ITGA9: variants seen among roughly 807,000 people sequenced by gnomAD.
ITGA9 encodes the protein integrin alpha-9.
In ITGA9, 56 loss-of-function variants were observed where a neutral mutation model predicts 127.8. That is an observed-to-expected ratio of 0.44 (90% CI 0.35 to 0.55). ITGA9 has a LOEUF of 0.55. Among genes scored for constraint, ITGA9 ranks in the 20% least tolerant of loss-of-function variants. The pLI is 0.00. For synonymous variants in ITGA9, 508 were observed against 514.5 expected, an observed-to-expected ratio of 0.99 and a Z score of 0.17; for missense variants, 1,196 against 1,347.1, an observed-to-expected ratio of 0.89 and a Z score of 1.76.
intron 26 of ITGA9, among the ~76,000 whole-genome samples, chr3:37,791,108 A>G (rs1208263186): frequency 6.6e-6 from 1 of 152,118 alleles, no homozygotes; most frequent in Non-Finnish European, 1.5e-5. Context: ...CTGATCCCTG[A>G]ATTGGTTACT....
intron 3 of ITGA9, 98 bp from the exon 4 acceptor site, chr3:37,481,386 C>G: frequency 6.6e-7 from 1 of 1,522,912 alleles, no homozygotes; most frequent in Non-Finnish European, 9.1e-7. Flanking sequence ...CTGCTCCTCT[C>G]TTCTCCCACA....
At chr3:37,585,366 T>C (rs1699748336) in intron 15 of ITGA9, among the ~76,000 whole-genome samples, 1 of 152,194 alleles carries the variant, frequency 6.6e-6, no homozygotes, top group Admixed American at 6.5e-5. Flanking sequence ...TCTTCTAGCC[T>C]GAAGAGCCCA....
intron 3 of ITGA9, among the ~76,000 whole-genome samples, 174 bp from the exon 4 acceptor site, chr3:37,481,310 C>G (rs1379258334): frequency 1.3e-5 from 2 of 152,110 alleles, no homozygotes; most frequent in Non-Finnish European, 2.9e-5. Flanking sequence ...GTGGCTTGTT[C>G]CTGTTCATGC....
At chr3:37,684,396 T>C (rs1700762090) in intron 18 of ITGA9, among the ~76,000 whole-genome samples, 1 of 152,240 alleles carries the variant, frequency 6.6e-6, no homozygotes, top group African/African-American at 2.4e-5. Context: ...GGCAGATCAC[T>C]GCTTGTCGTG....
At chr3:37,751,928 A>G (rs1278875772) in intron 23 of ITGA9, among the ~76,000 whole-genome samples, 2 of 152,214 alleles carry the variant, frequency 1.3e-5, no homozygotes, top group Non-Finnish European at 2.9e-5. Flanking sequence ...GGGCATCTTC[A>G]TCGTATGGAA....
At chr3:37,544,926 C>T (rs1434225194) in intron 15 of ITGA9, among the ~76,000 whole-genome samples, 1 of 152,224 alleles carries the variant, frequency 6.6e-6, no homozygotes, top group Non-Finnish European at 1.5e-5. Flanking sequence ...CAGTTACTGT[C>T]TGGGCTGTAG....
intron 22 of ITGA9, chr3:37,749,440 G>C (rs1199173666): frequency 6.6e-6 from 1 of 152,586 alleles, no homozygotes; most frequent in Non-Finnish European, 1.5e-5. Flanking sequence ...ACATCTTTGG[G>C]GGGCCTGTCA....
chr3:37,562,480 C>G (rs549742692), intron 15 of ITGA9, among the ~76,000 whole-genome samples: 1 of 152,154 alleles, frequency 6.6e-6, no homozygotes, highest in African/African-American at 2.4e-5. Flanking sequence ...CCCGCTGCCC[C>G]GAAAGATCAG....
chr3:37,603,693 G>A (rs1010982270), intron 15 of ITGA9, among the ~76,000 whole-genome samples: 1 of 152,210 alleles, frequency 6.6e-6, no homozygotes, highest in African/African-American at 2.4e-5. Flanking sequence ...AACACGTAGT[G>A]ATGGACCCCC....
chr3:37,814,766 TA>T lies in ITGA9; in HGVS notation c.3010-4124del, dbSNP rs1335678290. 6.6e-6 allele frequency among the ~76,000 whole-genome samples: 1 copy of T among 152,186 alleles called. No homozygotes were observed. Among genetic ancestry groups the T allele is most frequent in the Non-Finnish European group, 1.5e-5 (1 of 68,034 alleles). On this transcript the variant is annotated intron_variant, in intron 27 of 27. Transcript: ENST00000264741. This position sits in a 1 kb window ranked among gnomAD's most constrained non-coding sequence, Gnocchi z 4.3. ...TGTTGGAAAACAGTTATAATAAACTTATACACATACATGATATCTGTGATGT... is the reference window on the plus strand; with the variant it reads ...TGTTGGAAAACAGTTATAATAAACTTTACACATACATGATATCTGTGATGT...
intron 22 of ITGA9, chr3:37,749,523 G>A (rs1696553993): frequency 6.6e-6 from 1 of 152,216 alleles, no homozygotes; most frequent in Non-Finnish European, 1.5e-5. Context: ...TCTGTCTCTA[G>A]AGATCTACTC....
intron 3 of ITGA9, among the ~76,000 whole-genome samples, chr3:37,480,185 C>T (rs912158488): frequency 9.9e-5 from 15 of 151,764 alleles, no homozygotes; most frequent in Middle Eastern, 3.4e-3. Flanking sequence ...GAGACATGCA[C>T]GGGAACTGGG....
chr3:37,507,166 G>A (rs1698853906), intron 7 of ITGA9, among the ~76,000 whole-genome samples: 1 of 152,174 alleles, frequency 6.6e-6, no homozygotes, highest in Admixed American at 6.5e-5. Flanking sequence ...AGGGCCCTGA[G>A]CTGGCAGGGA....
At chr3:37,712,460 A>G (rs1416441744) in intron 18 of ITGA9, among the ~76,000 whole-genome samples, 1 of 152,152 alleles carries the variant, frequency 6.6e-6, no homozygotes, top group East Asian at 1.9e-4. Flanking sequence ...GAACACTGTG[A>G]GGTATCTGTA....
chr3:37,593,747 G>C (rs1047783479), intron 15 of ITGA9, among the ~76,000 whole-genome samples: 4 of 152,246 alleles, frequency 2.6e-5, no homozygotes, highest in Non-Finnish European at 5.9e-5. Flanking sequence ...CCCAGGCATA[G>C]AGTCCTCTTC....
At chr3:37,591,235 C>T (rs559782166) in intron 15 of ITGA9, among the ~76,000 whole-genome samples, 6 of 152,316 alleles carry the variant, frequency 3.9e-5, no homozygotes, top group Non-Finnish European at 7.4e-5. Context: ...TGTGTGAAAA[C>T]GAAAGCTATT....
chr3:37,595,571 G>T (rs1699861598), intron 15 of ITGA9, among the ~76,000 whole-genome samples: 1 of 152,188 alleles, frequency 6.6e-6, no homozygotes, highest in East Asian at 1.9e-4. Flanking sequence ...ATTAGAGGTG[G>T]CACTGGGAAT....
At chr3:37,723,956 G>A (rs1332140814) in intron 18 of ITGA9, among the ~76,000 whole-genome samples, 2 of 152,208 alleles carry the variant, frequency 1.3e-5, no homozygotes, top group African/African-American at 4.8e-5. Context: ...ATGTTGCACA[G>A]GGCAACTATG....
At chr3:37,514,474 A>G (rs1460357859) in intron 9 of ITGA9, among the ~76,000 whole-genome samples, 1 of 152,222 alleles carries the variant, frequency 6.6e-6, no homozygotes, top group Non-Finnish European at 1.5e-5. Context: ...CAGAGCTCCC[A>G]GTGCAGAGCT....
Sources: allele counts gnomAD v4.1 joint callset (sites outside exome capture counted in the v4.1 genomes callset), GRCh38; gene constraint gnomAD v4.1.1; non-coding constraint Gnocchi (gnomAD v3.1); transcripts MANE v1.5; gene names NCBI Gene and HGNC (gene_info 2026-07-23, HGNC 2026-07-21).